Variants in ST6GALNAC3 observed in about 807,000 individuals in gnomAD.
ST6GALNAC3 encodes the protein alpha-N-acetylgalactosaminide alpha-2,6-sialyltransferase 3.
ST6GALNAC3 carries 25 observed loss-of-function variants against 32.7 expected under a neutral mutation model. That is an observed-to-expected ratio of 0.76 (90% CI 0.56 to 1.07). The LOEUF is 1.07. ST6GALNAC3 is among the 50% of genes least tolerant of loss of function. ST6GALNAC3 has a pLI of 0.00. For missense variants in ST6GALNAC3, 355 were observed against 382.4 expected (o/e 0.93, Z 0.60); for synonymous variants, 129 against 133.1 (o/e 0.97, Z 0.21).
rs146230171 is a variant in ST6GALNAC3, at chr1:76,348,364, G to T, written c.213+34365G>T. On this transcript the variant is annotated intron_variant, in intron 2 of 4. Coordinates refer to ENST00000328299, the MANE Select transcript of ST6GALNAC3 (RefSeq NM_152996.4). ...TCTTTCCCAGTAACTTGTACATTCTGATTTCCTTTGCACATGAGAATTGAT... is the reference window on the plus strand; with the variant it reads ...TCTTTCCCAGTAACTTGTACATTCTTATTTCCTTTGCACATGAGAATTGAT... Among the ~76,000 whole-genome samples, 19 of 152,258 alleles carry T rather than the reference G, an allele frequency of 1.2e-4. No homozygotes were observed. The East Asian group carries it at 3.5e-3, about 28-fold the overall frequency.
chr1:76,158,056 T>C (rs1651572114), intron 1 of ST6GALNAC3, among the ~76,000 whole-genome samples: 1 of 152,168 alleles, frequency 6.6e-6, no homozygotes, highest in African/African-American at 2.4e-5. Flanking sequence ...TCCAATGAAA[T>C]GGGTCCAGGA....
At chr1:76,301,313 C>A (rs1238570817) in intron 1 of ST6GALNAC3, among the ~76,000 whole-genome samples, 1 of 151,726 alleles carries the variant, frequency 6.6e-6, no homozygotes, top group African/African-American at 2.4e-5. Flanking sequence ...TCTGGGACAT[C>A]CAGATTGGGA....
At chr1:76,142,966 G>A in intron 1 of ST6GALNAC3, 1 of 415,760 alleles carries the variant, frequency 2.4e-6, no homozygotes, top group South Asian at 1.8e-5. Context: ...CTGCTGGAAA[G>A]TGTTGGCCCA....
At chr1:76,423,021 T>C (rs1419839076) in intron 3 of ST6GALNAC3, among the ~76,000 whole-genome samples, 7 of 151,974 alleles carry the variant, frequency 4.6e-5, no homozygotes, top group Non-Finnish European at 1.0e-4. Flanking sequence ...ATCACTCTGT[T>C]CTCTGACTTT....
intron 3 of ST6GALNAC3, among the ~76,000 whole-genome samples, chr1:76,484,354 G>A (rs1225891275): frequency 1.3e-5 from 2 of 152,296 alleles, no homozygotes; most frequent in African/African-American, 4.8e-5. Context: ...CTATCCATGA[G>A]CATGGAATGT....
At chr1:76,286,990 G>C (rs566845336) in intron 1 of ST6GALNAC3, among the ~76,000 whole-genome samples, 1 of 152,376 alleles carries the variant, frequency 6.6e-6, no homozygotes, top group South Asian at 2.1e-4. Flanking sequence ...AAAGGTGTAT[G>C]TTCTTCAATC....
At chr1:76,111,592 G>A (rs1354311469) in intron 1 of ST6GALNAC3, among the ~76,000 whole-genome samples, 1 of 149,534 alleles carries the variant, frequency 6.7e-6, no homozygotes, top group African/African-American at 2.5e-5. Context: ...GCGGCCTTCC[G>A]CAGTGTTTGT....
intron 1 of ST6GALNAC3, among the ~76,000 whole-genome samples, chr1:76,081,292 A>AC (rs1196027036): frequency 6.6e-5 from 4 of 61,068 alleles, no homozygotes; most frequent in Non-Finnish European, 1.8e-4. Flanking sequence ...AGCTAAAAAA[A>AC]AAAAAAAAAA....
chr1:76,468,643 T>C (rs1462510613), intron 3 of ST6GALNAC3, among the ~76,000 whole-genome samples: 1 of 151,986 alleles, frequency 6.6e-6, no homozygotes, highest in Non-Finnish European at 1.5e-5. Context: ...TACTCATTTT[T>C]TTACCAAAAG....
At chr1:76,106,404 T>C (rs1011049998) in intron 1 of ST6GALNAC3, among the ~76,000 whole-genome samples, 4 of 152,222 alleles carry the variant, frequency 2.6e-5, no homozygotes, top group Admixed American at 1.3e-4. Flanking sequence ...ATCCACAAGA[T>C]AACTTTGGAA....
At chr1:76,324,371 G>A (rs1346172519) in intron 2 of ST6GALNAC3, among the ~76,000 whole-genome samples, 1 of 152,164 alleles carries the variant, frequency 6.6e-6, no homozygotes, top group Non-Finnish European at 1.5e-5. Context: ...GTGGTGGAAA[G>A]GCTGACAAAC....
chr1:76,216,485 G>A (rs909997823), intron 1 of ST6GALNAC3, among the ~76,000 whole-genome samples: 1 of 152,160 alleles, frequency 6.6e-6, no homozygotes, highest in African/African-American at 2.4e-5. Flanking sequence ...TTTCACCAGT[G>A]GTAGCTTGAA....
At chr1:76,522,270 G>T (rs2101794277) in intron 3 of ST6GALNAC3, among the ~76,000 whole-genome samples, 1 of 151,918 alleles carries the variant, frequency 6.6e-6, no homozygotes, top group East Asian at 1.9e-4. Flanking sequence ...TGCCTTAATG[G>T]TTTAAAAAGT....
At chr1:76,099,510 CG>C (rs1308531341) in intron 1 of ST6GALNAC3, among the ~76,000 whole-genome samples, 1 of 152,054 alleles carries the variant, frequency 6.6e-6, no homozygotes, top group East Asian at 1.9e-4. Flanking sequence ...AATGCACTGT[CG>C]ATACATGCAA....
chr1:76,281,010 C>T (rs1659465679), intron 1 of ST6GALNAC3, among the ~76,000 whole-genome samples: 1 of 152,156 alleles, frequency 6.6e-6, no homozygotes, highest in South Asian at 2.1e-4. Flanking sequence ...AAATTTAACT[C>T]TTCAATATCA....
At chr1:76,571,961 A>G (rs1360840195) in intron 3 of ST6GALNAC3, among the ~76,000 whole-genome samples, 1 of 152,092 alleles carries the variant, frequency 6.6e-6, no homozygotes, top group East Asian at 1.9e-4. Flanking sequence ...CCCTTTTGAG[A>G]AAAGTACATC....
intron 1 of ST6GALNAC3, among the ~76,000 whole-genome samples, chr1:76,146,328 C>T (rs1650678970): frequency 6.6e-6 from 1 of 152,162 alleles, no homozygotes; most frequent in South Asian, 2.1e-4. Flanking sequence ...GGAAGATTAT[C>T]CCTTTTTTAA....
At chr1:76,435,864 T>TA (rs35043586) in intron 3 of ST6GALNAC3, among the ~76,000 whole-genome samples, 66,771 of 151,564 alleles carry the variant, frequency 0.44, 14,974 homozygotes, top group Middle Eastern at 0.51. Flanking sequence ...TTTTTATTTT[T>TA]TTTTTTAATG....
chr1:76,254,085 A>G (rs904131552), intron 1 of ST6GALNAC3, among the ~76,000 whole-genome samples: 9 of 152,082 alleles, frequency 5.9e-5, no homozygotes, highest in African/African-American at 2.2e-4. Context: ...AAATGACTTT[A>G]TTTCTTCGCT....
Sources: allele counts gnomAD v4.1 joint callset (sites outside exome capture counted in the v4.1 genomes callset), GRCh38; gene constraint gnomAD v4.1.1; transcripts MANE v1.5; gene names NCBI Gene and HGNC (gene_info 2026-07-23, HGNC 2026-07-21).